The following ITGA1 variants were observed in gnomAD, a reference collection of about 807,000 sequenced individuals.
ITGA1 encodes the protein integrin alpha-1.
In ITGA1, 85 loss-of-function variants were observed where a neutral mutation model predicts 145.9. The ratio of observed to expected loss-of-function variants is 0.58; its 90% CI spans 0.49 to 0.70. The LOEUF is 0.70. ITGA1 is among the 30% of genes least tolerant of loss of function. The pLI, the probability that ITGA1 is intolerant of heterozygous loss-of-function variation, is 0.00. For synonymous variants in ITGA1, 520 were observed against 495.3 expected, an observed-to-expected ratio of 1.05 and a Z score of -0.66; for missense variants, 1,351 against 1,418.7, an observed-to-expected ratio of 0.95 and a Z score of 0.77.
intron 1 of ITGA1, among the ~76,000 whole-genome samples, chr5:52,835,622 G>T (rs1454297340): frequency 6.6e-6 from 1 of 152,140 alleles, no homozygotes; most frequent in Non-Finnish European, 1.5e-5. Context: ...TAAAAAGTGG[G>T]ACAGCATTTA....
Position 52,864,767 on chromosome 5 carries a change from T to C in ITGA1, c.300T>C (p.Asn100=), listed in dbSNP as rs554712200. ...AAAATTTTGTTCTATTTTTAGTTAATACATCAATTCCCAATGTCACAGAAG... is the reference window on the plus strand; with the variant it reads ...AAAATTTTGTTCTATTTTTAGTTAACACATCAATTCCCAATGTCACAGAAG... ...LPCVKLDLPV[N]TSIPNVTEVK... is the part of the protein sequence containing the mutation. Residue 100 remains asparagine, a synonymous_variant, in exon 4 of 29, where the codon AAT becomes AAC. Transcript: ENST00000282588. 275 of 1,601,266 alleles carry C rather than the reference T, an allele frequency of 1.7e-4. 2 individuals carry two copies. In the South Asian group the frequency reaches 2.9e-3, roughly 17 times the overall value.
At position 52,909,001 on chromosome 5, in the gene ITGA1, A is replaced by T. The variant is rs1750456179; in HGVS notation, c.1559A>T (p.Lys520Met). ...VGAPMYMGTE[K>M]EEQGKVYVYA... ...GCCCCTATGTACATGGGAACAGAGAAGGAGGAGCAAGGAAAAGTGTATGTG... is the reference window on the plus strand; with the variant it reads ...GCCCCTATGTACATGGGAACAGAGATGGAGGAGCAAGGAAAAGTGTATGTG... The change falls in exon 13 of 29, where the codon AAG becomes ATG. Residue 520 changes from lysine (K) to methionine (M), a missense_variant. By Grantham distance (95) the Lys-to-Met change is moderately conservative (BLOSUM62 -1). Transcript: ENST00000282588. 3 of 1,613,962 alleles carry T rather than the reference A, an allele frequency of 1.9e-6. No individual in the cohort carries two copies. The highest frequency in any genetic ancestry group is 2.5e-6 in the Non-Finnish European group (3 of 1,179,894).
intron 13 of ITGA1, 44 bp from the exon 14 acceptor site, chr5:52,910,118 G>A: frequency 1.9e-6 from 3 of 1,564,076 alleles, no homozygotes; most frequent in South Asian, 2.3e-5. Flanking sequence ...CTCTGCTGTA[G>A]TAATGATGGA....
intron 6 of ITGA1, chr5:52,867,153 G>C (rs1412238512): frequency 6.6e-6 from 1 of 151,466 alleles, no homozygotes; most frequent in Non-Finnish European, 1.5e-5. Context: ...ATACATACAT[G>C]TGTCTTCATG....
intron 7 of ITGA1, among the ~76,000 whole-genome samples, chr5:52,883,639 G>A (rs1013884354): frequency 2.0e-5 from 3 of 152,062 alleles, no homozygotes; most frequent in Non-Finnish European, 4.4e-5. Flanking sequence ...TTGTGTGTGT[G>A]TGTTCCCTTC....
intron 1 of ITGA1, 49 bp downstream of exon 1, chr5:52,788,463 C>G: frequency 7.1e-7 from 1 of 1,406,354 alleles, no homozygotes; most frequent in Non-Finnish European, 9.3e-7. Flanking sequence ...GGGCTTGGGG[C>G]TTGGAGCGGG....
intron 1 of ITGA1, among the ~76,000 whole-genome samples, chr5:52,804,734 A>G (rs1222177297): frequency 6.6e-6 from 1 of 152,172 alleles, no homozygotes; most frequent in Non-Finnish European, 1.5e-5. Flanking sequence ...ATGCCTCATA[A>G]TAGCAGCTCT....
chr5:52,862,997 A>T (rs940960022), intron 3 of ITGA1, among the ~76,000 whole-genome samples: 1 of 152,006 alleles, frequency 6.6e-6, no homozygotes, highest in Non-Finnish European at 1.5e-5. Context: ...ATCACTTTCC[A>T]TTTATTACCT....
chr5:52,836,363 A>T (rs143593361), intron 1 of ITGA1, among the ~76,000 whole-genome samples: 5 of 152,384 alleles, frequency 3.3e-5, no homozygotes, highest in Non-Finnish European at 7.3e-5. Flanking sequence ...TTATGGAAAG[A>T]GGAACTAGTG....
chr5:52,912,301 T>G (rs1454198759), intron 14 of ITGA1, among the ~76,000 whole-genome samples: 1 of 145,298 alleles, frequency 6.9e-6, no homozygotes, highest in African/African-American at 2.5e-5. Flanking sequence ...CTATATACTA[T>G]ATATCTACTA....
At chr5:52,890,526 G>C (rs895377778) in intron 8 of ITGA1, among the ~76,000 whole-genome samples, 1 of 152,126 alleles carries the variant, frequency 6.6e-6, no homozygotes, top group Non-Finnish European at 1.5e-5. Context: ...ACTTAATCAA[G>C]ATATAGAGCA....
intron 14 of ITGA1, among the ~76,000 whole-genome samples, chr5:52,912,758 T>A (rs980404738): frequency 1.1e-4 from 17 of 149,304 alleles, no homozygotes; most frequent in South Asian, 2.1e-4. Flanking sequence ...ATATATATTT[T>A]TTTTTTGAGA....
intron 18 of ITGA1, among the ~76,000 whole-genome samples, chr5:52,925,027 C>A (rs1028127377): frequency 1.3e-5 from 2 of 152,218 alleles, no homozygotes; most frequent in Admixed American, 6.5e-5. Context: ...AAAGCCAGTG[C>A]AAAGCACCCA....
chr5:52,884,393 G>T (rs1278302362), intron 7 of ITGA1, among the ~76,000 whole-genome samples: 1 of 150,036 alleles, frequency 6.7e-6, no homozygotes, highest in Non-Finnish European at 1.5e-5. Flanking sequence ...GTTGCAGTGA[G>T]CCAAGATCGT....
chr5:52,947,520 T>C, intron 28 of ITGA1, 59 bp downstream of exon 28: 2 of 950,782 alleles, frequency 2.1e-6, no homozygotes, highest in Middle Eastern at 2.1e-4. Context: ...ACTGGAGAAA[T>C]AAGCTCTGAT....
At chr5:52,892,978 G>T (rs1169166295) in intron 8 of ITGA1, among the ~76,000 whole-genome samples, 1 of 151,444 alleles carries the variant, frequency 6.6e-6, no homozygotes, top group Non-Finnish European at 1.5e-5. Flanking sequence ...GAATTTTACT[G>T]TATATAATTT....
At chr5:52,863,466 C>G (rs903705286) in intron 3 of ITGA1, among the ~76,000 whole-genome samples, 1 of 151,630 alleles carries the variant, frequency 6.6e-6, no homozygotes, top group African/African-American at 2.4e-5. Context: ...CAGGGCCTTC[C>G]CTAGGTTGGG....
intron 7 of ITGA1, among the ~76,000 whole-genome samples, chr5:52,883,535 G>GT (rs1301162681): frequency 1.3e-5 from 2 of 152,164 alleles, no homozygotes; most frequent in East Asian, 3.9e-4. Context: ...CATTTTAATT[G>GT]TTTTTTATTC....
At chr5:52,895,454 C>T (rs1750210292) in intron 9 of ITGA1, among the ~76,000 whole-genome samples, 1 of 152,112 alleles carries the variant, frequency 6.6e-6, no homozygotes, top group South Asian at 2.1e-4. Flanking sequence ...GGTCTTCCAA[C>T]TAATTGTGTA....
Sources: gnomAD v4.1 joint callset for allele counts (sites outside exome capture counted in the v4.1 genomes callset) on GRCh38, gnomAD v4.1.1 for gene constraint, MANE v1.5 for transcripts, NCBI Gene and HGNC (gene_info 2026-07-23, HGNC 2026-07-21) for gene names.